The following CMSS1 variants were observed in gnomAD, a reference collection of about 807,000 sequenced individuals.
CMSS1 encodes cms1 ribosomal small subunit homolog.
A neutral mutation model predicts 43.5 loss-of-function variants in CMSS1; 33 were observed. The observed-to-expected ratio is 0.76, with a 90% CI of 0.57 to 1.01. The LOEUF (loss-of-function observed/expected upper bound fraction) is 1.01, where lower values mean the gene tolerates loss of function less well. Among genes scored for constraint, CMSS1 ranks in the 50% least tolerant of loss-of-function variants. The pLI, the probability that CMSS1 is intolerant of heterozygous loss-of-function variation, is 0.00. For missense variants in CMSS1, 313 were observed against 326.4 expected, an observed-to-expected ratio of 0.96 and a Z score of 0.32; for synonymous variants, 115 against 117.2, an observed-to-expected ratio of 0.98 and a Z score of 0.12.
At chr3:100,050,085 A>C (rs1011385984) in intron 1 of CMSS1, among the ~76,000 whole-genome samples, 1 of 152,218 alleles carries the variant, frequency 6.6e-6, no homozygotes, top group Non-Finnish European at 1.5e-5. Flanking sequence ...TTTTAATCAC[A>C]CAGACTCACC....
chr3:99,960,154 T>C (rs888024603), intron 1 of CMSS1, among the ~76,000 whole-genome samples: 1 of 152,220 alleles, frequency 6.6e-6, no homozygotes, highest in African/African-American at 2.4e-5. Flanking sequence ...ACCTGCCAAG[T>C]ACCGGAGAGA....
At chr3:100,080,674 C>T (rs571595920) in intron 1 of CMSS1, among the ~76,000 whole-genome samples, 1 of 152,244 alleles carries the variant, frequency 6.6e-6, no homozygotes, top group South Asian at 2.1e-4. Flanking sequence ...GGCAGAAAGA[C>T]TTAATGTGGG....
intron 1 of CMSS1, among the ~76,000 whole-genome samples, chr3:99,856,322 T>C (rs1169285333): frequency 1.3e-5 from 2 of 152,236 alleles, no homozygotes; most frequent in Admixed American, 6.5e-5. Flanking sequence ...ATAGTGGACG[T>C]AGACGTTGAT....
intron 6 of CMSS1, among the ~76,000 whole-genome samples, chr3:100,171,527 C>T (rs368366797): frequency 1.3e-5 from 2 of 152,230 alleles, no homozygotes; most frequent in East Asian, 3.9e-4. Flanking sequence ...TGCCAGGGAC[C>T]TGAAATACAG....
chr3:99,919,934 C>CA (rs1163489159), intron 1 of CMSS1, among the ~76,000 whole-genome samples: 2 of 152,222 alleles, frequency 1.3e-5, no homozygotes, highest in African/African-American at 4.8e-5. Flanking sequence ...TCTATCTAGT[C>CA]AAACTTGGAC....
intron 1 of CMSS1, among the ~76,000 whole-genome samples, chr3:99,966,412 CTATA>C (rs1396765911): frequency 6.6e-6 from 1 of 151,784 alleles, no homozygotes; most frequent in Non-Finnish European, 1.5e-5. Context: ...TTTTTTTCGG[CTATA>C]TATAGTTTTA....
At chr3:99,963,233 T>C (rs1469124490) in intron 1 of CMSS1, among the ~76,000 whole-genome samples, 1 of 152,180 alleles carries the variant, frequency 6.6e-6, no homozygotes, top group Non-Finnish European at 1.5e-5. Context: ...TGCCCCAGAA[T>C]AGTGTGTGGT....
At chr3:99,859,340 C>T (rs2107549927) in intron 1 of CMSS1, among the ~76,000 whole-genome samples, 1 of 152,352 alleles carries the variant, frequency 6.6e-6, no homozygotes, top group South Asian at 2.1e-4. Flanking sequence ...AGTATTCTCC[C>T]AGTAACAACC....
At chr3:100,019,668 A>G (rs1287078126) in intron 1 of CMSS1, among the ~76,000 whole-genome samples, 1 of 152,076 alleles carries the variant, frequency 6.6e-6, no homozygotes, top group Non-Finnish European at 1.5e-5. Context: ...TTCCTTTTCT[A>G]TGTAAAACTC....
chr3:100,001,428 T>C (rs897671951), intron 1 of CMSS1, among the ~76,000 whole-genome samples: 4 of 152,170 alleles, frequency 2.6e-5, no homozygotes, highest in Admixed American at 2.6e-4. Context: ...GCTGACCACT[T>C]CCCTAGTTGA....
intron 1 of CMSS1, among the ~76,000 whole-genome samples, chr3:99,932,383 C>A (rs1213472950): frequency 1.3e-5 from 2 of 151,708 alleles, no homozygotes; most frequent in Non-Finnish European, 2.9e-5. Context: ...TTTTGAGATT[C>A]TTCCTTGTTC....
intron 4 of CMSS1, among the ~76,000 whole-genome samples, chr3:100,162,636 C>T (rs905880510): frequency 2.0e-5 from 3 of 152,012 alleles, no homozygotes; most frequent in African/African-American, 7.3e-5. Flanking sequence ...AGTGAGACCT[C>T]ATCGCTATTA....
chr3:99,862,575 T>C (rs557534943), intron 1 of CMSS1, among the ~76,000 whole-genome samples: 1 of 152,326 alleles, frequency 6.6e-6, no homozygotes, highest in African/African-American at 2.4e-5. Flanking sequence ...GATCTCTACC[T>C]ACTAAATGCC....
At chr3:100,063,562 G>T (rs1322015957) in intron 1 of CMSS1, among the ~76,000 whole-genome samples, 1 of 152,060 alleles carries the variant, frequency 6.6e-6, no homozygotes, top group East Asian at 1.9e-4. Context: ...TGCATAATTA[G>T]CAACTAATGT....
intron 1 of CMSS1, among the ~76,000 whole-genome samples, chr3:100,058,130 C>T (rs537040108): frequency 6.6e-6 from 1 of 152,324 alleles, no homozygotes; most frequent in Admixed American, 6.5e-5. Flanking sequence ...TTTCCTAGGG[C>T]TCCACATTTA....
intron 1 of CMSS1, among the ~76,000 whole-genome samples, chr3:100,083,335 C>T (rs771911886): frequency 6.6e-6 from 1 of 152,186 alleles, no homozygotes; most frequent in East Asian, 1.9e-4. Flanking sequence ...TAGCCCTTAA[C>T]GTATGTTGTG....
Position 99,945,537 on chromosome 3 carries a change from T to A in CMSS1, c.64+127494T>A, listed in dbSNP as rs145491482. On this transcript the variant is annotated intron_variant, in intron 1 of 9. Coordinates refer to ENST00000421999, the MANE Select transcript of CMSS1 (RefSeq NM_032359.4). The stretch of plus-strand genomic sequence containing the variant: ...TAAATGGATGTCAGAAGCTTACAAT[T>A]AAGGAGGGAAACAAAGAATCATTAC... Among the ~76,000 whole-genome samples the A allele has an allele frequency of 1.2e-3, 180 of 152,296 alleles. 7 individuals are homozygous for A. In the East Asian group the frequency reaches 0.032, roughly 27 times the overall value.
At chr3:100,123,317 A>C (rs531551946) in intron 1 of CMSS1, among the ~76,000 whole-genome samples, 29 of 152,178 alleles carry the variant, frequency 1.9e-4, no homozygotes, top group African/African-American at 4.8e-4. Context: ...AGGAGTTTCC[A>C]TGTTCTAGGC....
chr3:99,844,786 T>C (rs1290485580), intron 1 of CMSS1, among the ~76,000 whole-genome samples: 1 of 152,164 alleles, frequency 6.6e-6, no homozygotes, highest in Non-Finnish European at 1.5e-5. Flanking sequence ...CTGCTGTTCT[T>C]GTGATACTGA....
Sources: gnomAD v4.1 joint callset for allele counts (sites outside exome capture counted in the v4.1 genomes callset) on GRCh38, gnomAD v4.1.1 for gene constraint, MANE v1.5 for transcripts, NCBI Gene and HGNC (gene_info 2026-07-23, HGNC 2026-07-21) for gene names.